Variants in ANTKMT observed in about 807,000 individuals in gnomAD.
ANTKMT encodes adenine nucleotide translocase lysine methyltransferase.
In ANTKMT, 24 loss-of-function variants were observed where a neutral mutation model predicts 20.7. The ratio of observed to expected loss-of-function variants is 1.16; its 90% CI spans 0.84 to 1.63. The LOEUF (loss-of-function observed/expected upper bound fraction) is 1.63, where lower values mean the gene tolerates loss of function less well. Ranked by LOEUF, ANTKMT falls within the 40% of genes most tolerant of loss-of-function variation. The pLI is 0.00. For missense variants in ANTKMT, 428 were observed against 334.8 expected (o/e 1.28, Z -2.17); for synonymous variants, 193 against 161.2 (o/e 1.20, Z -1.49).
chr16:721,333 C>A lies in ANTKMT; in HGVS notation c.59C>A (p.Ala20Glu). 1 of 1,350,414 alleles carries A rather than the reference C, an allele frequency of 7.4e-7. No homozygotes were observed. The highest frequency in any genetic ancestry group is 1.7e-5 in the South Asian group (1 of 57,882). The allele number at this position is 1,350,414 out of a possible 1,614,324, so 83.7% of individuals were successfully genotyped here. Residue 20 changes from alanine (A) to glutamate (E), a missense_variant, in exon 1 of 5, where the codon GCG becomes GAG. Coordinates refer to ENST00000569529, the MANE Select transcript of ANTKMT (RefSeq NM_023933.3). Reference protein sequence around the residue: ...LTELRERRLGALELLQAAAGS... With the variant: ...LTELRERRLGELELLQAAAGS... ...GAGCTGCGCGAGCGGCGGCTGGGCG[C>A]GCTGGAGCTGCTGCAGGCGGCGGCC...
intron 2 of ANTKMT, 39 bp from the exon 3 acceptor site, chr16:721,762 C>CTGCCCACATCCTGG: frequency 6.5e-7 from 1 of 1,537,748 alleles, no homozygotes; most frequent in Non-Finnish European, 8.8e-7. Flanking sequence ...GCGGGCGCCC[C>CTGCCCACATCCTGG]TGCCCACATC....
At position 722,481 on chromosome 16, in the gene ANTKMT, C is replaced by G; in HGVS notation, c.632C>G (p.Ser211Trp). Residue 211 changes from serine (S) to tryptophan (W), a missense_variant, in exon 5 of 5, where the codon TCG becomes TGG. Coordinates refer to ENST00000569529, the MANE Select transcript of ANTKMT (RefSeq NM_023933.3). ...EGGQAGEAAS[S>W]RIPIQAAPGP... ...GGGCAGGCTGGGGAGGCCGCCTCCTCGCGGATACCCATCCAGGCTGCCCCC... is the reference window on the plus strand; with the variant it reads ...GGGCAGGCTGGGGAGGCCGCCTCCTGGCGGATACCCATCCAGGCTGCCCCC... 6.2e-7 allele frequency: 1 copy of G among 1,612,352 alleles called. No individual in the cohort carries two copies. Among genetic ancestry groups the G allele is most frequent in the Non-Finnish European group, 8.5e-7 (1 of 1,179,832 alleles).
In ANTKMT at chr16:722,304, C is replaced by G; in HGVS notation, c.460-5C>G. The G allele has an allele frequency of 1.2e-6, 2 of 1,607,382 alleles. No individual in the cohort carries two copies. Among genetic ancestry groups the G allele is most frequent in the South Asian group, 2.2e-5 (2 of 90,256 alleles). On this transcript the variant is annotated splice_polypyrimidine_tract_variant and splice_region_variant and intron_variant, in intron 4 of 4. Transcript: ENST00000569529. ...CCCCCTCTACTCTGCTGTTCTCTCC[C>G]TCAGCTCCCGCTGCTGGAGGACAAG...
Position 721,204 on chromosome 16 carries a change from G to A in ANTKMT, c.-71G>A, listed in dbSNP as rs2040217204. On this transcript the variant is annotated 5_prime_UTR_variant, in exon 1 of 5. Transcript: ENST00000569529. ...GGCAGAGGGCACACCGCCAGCCCCA[G>A]GCCAGGCTGCGAGGGCCGCGGACCC... 2.1e-5 allele frequency: 25 copies of A among 1,206,172 alleles called. No individual in the cohort carries two copies. The highest frequency in any genetic ancestry group is 2.2e-5 in the Non-Finnish European group (21 of 969,998). 74.7% of individuals were successfully genotyped at this position (1,206,172 alleles called of 1,614,324 possible). A position where few individuals can be genotyped will look rare whatever the true frequency, so the allele number is the denominator to read the frequency against.
At chr16:722,008 G>A in intron 3 of ANTKMT, 67 bp downstream of exon 3, 2 of 1,551,618 alleles carry the variant, frequency 1.3e-6, no homozygotes, top group Non-Finnish European at 1.7e-6. Flanking sequence ...GAGGGCTGGG[G>A]GCCGGGACTC....
rs1283198294 is a variant in ANTKMT at position 721,367 on chromosome 16, C to T, written c.93C>T (p.Gly31=). The part of the protein sequence containing the change: ...LELLQAAAGS[G]LAAYAVWALL... ...TGCTGCAGGCGGCGGCCGGCTCGGG[C>T]TTGGCAGCCTACGCGGTGTGGGCGC... The change falls in exon 1 of 5, where the codon GGC becomes GGT. Residue 31 remains glycine (G), a synonymous_variant. Transcript: ENST00000569529. The T allele has an allele frequency of 2.8e-5, 37 of 1,332,574 alleles. No homozygotes were observed. Among genetic ancestry groups the T allele is most frequent in the Non-Finnish European group, 3.4e-5 (36 of 1,045,618 alleles). The allele number at this position is 1,332,574 out of a possible 1,614,324, so 82.5% of individuals were successfully genotyped here.
Position 721,377 on chromosome 16 carries a change from T to A in ANTKMT, c.103T>A (p.Tyr35Asn). The A allele has an allele frequency of 1.5e-6, 2 of 1,322,914 alleles. No individual in the cohort carries two copies. Among genetic ancestry groups the A allele is most frequent in the Non-Finnish European group, 1.9e-6 (2 of 1,040,684 alleles). The allele number at this position is 1,322,914 out of a possible 1,614,324, so 81.9% of individuals were successfully genotyped here. Residue 35 changes from tyrosine to asparagine, a missense_variant, in exon 1 of 5, where the codon TAC becomes AAC. Coordinates refer to ENST00000569529, the MANE Select transcript of ANTKMT (RefSeq NM_023933.3). ...QAAAGSGLAA[Y>N]AVWALLLQPG... ...GGCGGCCGGCTCGGGCTTGGCAGCC[T>A]ACGCGGTGTGGGCGCTGCTGCTCCA... is the stretch of plus-strand genomic sequence containing the variant.
At position 721,204 on chromosome 16, in the gene ANTKMT, G is replaced by T; in HGVS notation, c.-71G>T. ...GGCAGAGGGCACACCGCCAGCCCCA[G>T]GCCAGGCTGCGAGGGCCGCGGACCC... On this transcript the variant is annotated 5_prime_UTR_variant, in exon 1 of 5. The change creates a new upstream start codon in the 5' untranslated region. Coordinates refer to ENST00000569529, the MANE Select transcript of ANTKMT (RefSeq NM_023933.3). 8.3e-7 allele frequency: 1 copy of T among 1,206,172 alleles called. No individual in the cohort carries two copies. The highest frequency in any genetic ancestry group is 3.7e-5 in the South Asian group (1 of 26,676). The allele number at this position is 1,206,172 out of a possible 1,614,324, so 74.7% of individuals were successfully genotyped here. A position where few individuals can be genotyped will look rare whatever the true frequency, so the allele number is the denominator to read the frequency against.
intron 4 of ANTKMT, 85 bp downstream of exon 4, chr16:722,219 G>C (rs1312332212): frequency 6.3e-7 from 1 of 1,586,328 alleles, no homozygotes; most frequent in Non-Finnish European, 8.6e-7. Flanking sequence ...CCTGCCTGGT[G>C]GGTGCTAGGC....
At position 721,296 on chromosome 16, in the gene ANTKMT, G is replaced by C; in HGVS notation, c.22G>C (p.Glu8Gln). 1 of 1,338,398 alleles carries C rather than the reference G, an allele frequency of 7.5e-7. No individual in the cohort carries two copies. Among genetic ancestry groups the C allele is most frequent in the Non-Finnish European group, 9.6e-7 (1 of 1,045,986 alleles). 82.9% of individuals were successfully genotyped at this position (1,338,398 alleles called of 1,614,324 possible). ...AGCCATGGAGCAGGACGACCCGGTCGAGGCGCTGACGGAGCTGCGCGAGCG... is the reference window on the plus strand; with the variant it reads ...AGCCATGGAGCAGGACGACCCGGTCCAGGCGCTGACGGAGCTGCGCGAGCG... MEQDDPV[E>Q]ALTELRERRL... The change falls in exon 1 of 5, where the codon GAG (glutamate) becomes CAG (glutamine). Residue 8 changes from glutamate (E) to glutamine (Q), a missense_variant. Physicochemically the swap from Glu to Gln is conservative, Grantham distance 29. Transcript: ENST00000569529.
In ANTKMT at chr16:721,762, C is replaced by T. The variant is rs747307584; in HGVS notation, c.268-39C>T. On this transcript the variant is annotated intron_variant, in intron 2 of 4. Transcript: ENST00000569529. The stretch of plus-strand genomic sequence containing the variant: ...ACCGCCCACCTGCTGGCGGGCGCCC[C>T]TGCCCACATCCTGGTTCCCACACTC... 7.8e-6 allele frequency: 12 copies of T among 1,537,632 alleles called. No individual in the cohort carries two copies. In the South Asian group the frequency reaches 1.4e-4, roughly 19 times the overall value.
Position 721,455 on chromosome 16 carries a change from C to T in ANTKMT, c.162+19C>T. On this transcript the variant is annotated intron_variant, in intron 1 of 4. Transcript: ENST00000569529. ...GCTGCAGGTGCGGGGCGGGGCCAGG[C>T]CGGGCAGGGGAGCTCGGCTGCCGCT... The T allele has an allele frequency of 1.5e-6, 2 of 1,338,954 alleles. No homozygotes were observed. Among genetic ancestry groups the T allele is most frequent in the Non-Finnish European group, 1.9e-6 (2 of 1,052,538 alleles). 82.9% of individuals were successfully genotyped at this position (1,338,954 alleles called of 1,614,324 possible).
At position 722,124 on chromosome 16, in the gene ANTKMT, C is replaced by T. The variant is rs763154136; in HGVS notation, c.449C>T (p.Ala150Val). ...TGCCGCAACGTGTCTGTGTTCCTGG[C>T]CCCTAGCGTGGTAGGTGCGGGGTTG... ...RDCRNVSVFL[A>V]PSVLPLLEDK... The change falls in exon 4 of 5, where the codon GCC becomes GTC. Residue 150 changes from alanine (A) to valine (V), a missense_variant. Coordinates refer to ENST00000569529, the MANE Select transcript of ANTKMT (RefSeq NM_023933.3). 1.2e-6 allele frequency: 2 copies of T among 1,608,852 alleles called. No individual in the cohort carries two copies. Among genetic ancestry groups the T allele is most frequent in the African/African-American group, 1.3e-5 (1 of 74,830 alleles).
At position 721,744 on chromosome 16, in the gene ANTKMT, A is replaced by G. The variant is rs758171593; in HGVS notation, c.267+42A>G. 1.2e-5 allele frequency: 19 copies of G among 1,538,446 alleles called. No individual in the cohort carries two copies. In the East Asian group the frequency reaches 2.2e-4, roughly 18 times the overall value. On this transcript the variant is annotated intron_variant, in intron 2 of 4. Coordinates refer to ENST00000569529, the MANE Select transcript of ANTKMT (RefSeq NM_023933.3). ...GGGTCTTCGCCGCCCCACACCGCCC[A>G]CCTGCTGGCGGGCGCCCCTGCCCAC...
chr16:721,161 C>A lies in ANTKMT; in HGVS notation c.-114C>A. The A allele has an allele frequency of 9.3e-7, 1 of 1,072,378 alleles. No individual in the cohort carries two copies. The highest frequency in any genetic ancestry group is 1.2e-6 in the Non-Finnish European group (1 of 853,604). 66.4% of individuals were successfully genotyped at this position (1,072,378 alleles called of 1,614,324 possible). On this transcript the variant is annotated 5_prime_UTR_variant, in exon 1 of 5. Transcript: ENST00000569529. Reference sequence around the variant, plus strand: ...TCTGCCGGCCACTTCCGGTGTCGCGCGGCGGCTCCCGGCAGGAGGCAGAGG... The same window carrying A: ...TCTGCCGGCCACTTCCGGTGTCGCGAGGCGGCTCCCGGCAGGAGGCAGAGG...
rs866432331 is a variant in ANTKMT, at chr16:721,307, G to C, written c.33G>C (p.Thr11=). 30 of 1,344,930 alleles carry C rather than the reference G, an allele frequency of 2.2e-5. No individual in the cohort carries two copies. In the Middle Eastern group the frequency reaches 1.1e-3, roughly 48 times the overall value. The allele number at this position is 1,344,930 out of a possible 1,614,324, so 83.3% of individuals were successfully genotyped here. A position where few individuals can be genotyped will look rare whatever the true frequency, so the allele number is the denominator to read the frequency against. MEQDDPVEAL[T]ELRERRLGAL... ...AGGACGACCCGGTCGAGGCGCTGACGGAGCTGCGCGAGCGGCGGCTGGGCG... is the reference window on the plus strand; with the variant it reads ...AGGACGACCCGGTCGAGGCGCTGACCGAGCTGCGCGAGCGGCGGCTGGGCG... Residue 11 remains threonine, a synonymous_variant, in exon 1 of 5, where the codon ACG becomes ACC. Coordinates refer to ENST00000569529, the MANE Select transcript of ANTKMT (RefSeq NM_023933.3).
Position 722,143 on chromosome 16 carries a change from G to A in ANTKMT, c.459+9G>A. 7 of 1,603,884 alleles carry A rather than the reference G, an allele frequency of 4.4e-6. No homozygotes were observed. The highest frequency in any genetic ancestry group is 3.3e-4 in the Middle Eastern group (2 of 6,034). On this transcript the variant is annotated intron_variant, in intron 4 of 4. Transcript: ENST00000569529. ...TCCTGGCCCCTAGCGTGGTAGGTGC[G>A]GGGTTGCCAGCCCCGCTGGGAAGCC...
chr16:721,205 G>C lies in ANTKMT; in HGVS notation c.-70G>C, dbSNP rs1225304436. Reference sequence around the variant, plus strand: ...GCAGAGGGCACACCGCCAGCCCCAGGCCAGGCTGCGAGGGCCGCGGACCCG... The same window carrying C: ...GCAGAGGGCACACCGCCAGCCCCAGCCCAGGCTGCGAGGGCCGCGGACCCG... On this transcript the variant is annotated 5_prime_UTR_variant, in exon 1 of 5. Transcript: ENST00000569529. 5.0e-6 allele frequency: 6 copies of C among 1,206,356 alleles called. No individual in the cohort carries two copies. The highest frequency in any genetic ancestry group is 1.6e-5 in the African/African-American group (1 of 63,116). 74.7% of individuals were successfully genotyped at this position (1,206,356 alleles called of 1,614,324 possible). A position where few individuals can be genotyped will look rare whatever the true frequency, so the allele number is the denominator to read the frequency against.
Position 722,139 on chromosome 16 carries a change from G to T in ANTKMT, c.459+5G>T. The T allele has an allele frequency of 6.2e-7, 1 of 1,606,744 alleles. No homozygotes were observed. On this transcript the variant is annotated splice_donor_5th_base_variant and intron_variant, in intron 4 of 4. Transcript: ENST00000569529. ...GTGTTCCTGGCCCCTAGCGTGGTAGGTGCGGGGTTGCCAGCCCCGCTGGGA... is the reference window on the plus strand; with the variant it reads ...GTGTTCCTGGCCCCTAGCGTGGTAGTTGCGGGGTTGCCAGCCCCGCTGGGA...
Sources: gnomAD v4.1 joint callset for allele counts on GRCh38, gnomAD v4.1.1 for gene constraint, MANE v1.5 for transcripts, NCBI Gene and HGNC (gene_info 2026-07-23, HGNC 2026-07-21) for gene names.